The following DTWD2 variants were observed in gnomAD, a reference collection of about 807,000 sequenced individuals.
The protein encoded by DTWD2 is tRNA-uridine aminocarboxypropyltransferase 2.
A neutral mutation model predicts 31.8 loss-of-function variants in DTWD2; 39 were observed. The ratio of observed to expected loss-of-function variants is 1.22; its 90% confidence interval spans 0.95 to 1.60. The LOEUF is 1.60. Among genes scored for constraint, DTWD2 ranks in the 40% most tolerant of loss-of-function variants. The probability of loss-of-function intolerance (pLI) is 0.00; values close to 1 mark genes in which losing one functional copy is unlikely to be tolerated. For missense variants in DTWD2, 515 were observed against 381.5 expected, an observed-to-expected ratio of 1.35 and a Z score of -2.92; for synonymous variants, 180 against 142.8, an observed-to-expected ratio of 1.26 and a Z score of -1.86.
At chr5:118,931,552 T>C (rs746794993) in intron 3 of DTWD2, among the ~76,000 whole-genome samples, 1 of 152,140 alleles carries the variant, frequency 6.6e-6, no homozygotes, top group Non-Finnish European at 1.5e-5. Context: ...TCTTTTAACA[T>C]GTATGTACTT....
intron 4 of DTWD2, among the ~76,000 whole-genome samples, chr5:118,921,868 A>T (rs1385425358): frequency 6.6e-6 from 1 of 152,238 alleles, no homozygotes; most frequent in Admixed American, 6.5e-5. Context: ...GTTTGGCAAT[A>T]GATCAGATAT....
intron 4 of DTWD2, among the ~76,000 whole-genome samples, chr5:118,866,202 G>A (rs978669962): frequency 2.0e-5 from 3 of 152,022 alleles, no homozygotes; most frequent in Non-Finnish European, 2.9e-5. Context: ...GTTGTTTAAC[G>A]CCAGAGAAGT....
At chr5:118,856,868 G>A (rs1752147926) in intron 4 of DTWD2, among the ~76,000 whole-genome samples, 1 of 146,608 alleles carries the variant, frequency 6.8e-6, no homozygotes, top group Non-Finnish European at 1.5e-5. Context: ...TGCCTCCTGG[G>A]CTCAAGGGAC....
At chr5:118,865,392 C>T (rs1752360425) in intron 4 of DTWD2, among the ~76,000 whole-genome samples, 1 of 152,052 alleles carries the variant, frequency 6.6e-6, no homozygotes, top group African/African-American at 2.4e-5. Flanking sequence ...TCTTTACTTT[C>T]CCTTCAGTTC....
intron 4 of DTWD2, among the ~76,000 whole-genome samples, chr5:118,905,160 C>G (rs1753300199): frequency 6.6e-6 from 1 of 152,082 alleles, no homozygotes; most frequent in African/African-American, 2.4e-5. Context: ...AAAAATAAAA[C>G]ACTACATTAC....
chr5:118,878,714 G>C (rs1752673145), intron 4 of DTWD2, among the ~76,000 whole-genome samples: 1 of 152,016 alleles, frequency 6.6e-6, no homozygotes, highest in Non-Finnish European at 1.5e-5. Context: ...ACTATCATCA[G>C]AGCAAACAGA....
chr5:118,919,477 A>T (rs1753653645), intron 4 of DTWD2, among the ~76,000 whole-genome samples: 1 of 152,218 alleles, frequency 6.6e-6, no homozygotes, highest in Non-Finnish European at 1.5e-5. Flanking sequence ...CTGGATCAAC[A>T]CACAATCTCA....
chr5:118,978,115 CTTT>C (rs34139721), intron 1 of DTWD2, among the ~76,000 whole-genome samples: 1 of 148,036 alleles, frequency 6.8e-6, no homozygotes, highest in Non-Finnish European at 1.5e-5. Context: ...GGATTCCCTG[CTTT>C]TTTTTTTTTT....
intron 5 of DTWD2, among the ~76,000 whole-genome samples, chr5:118,845,582 C>T (rs1443157112): frequency 6.6e-6 from 1 of 152,102 alleles, no homozygotes; most frequent in Non-Finnish European, 1.5e-5. Context: ...TCCCAAATCC[C>T]AGGTTTGACT....
Position 118,944,418 on chromosome 5 carries a change from T to C in DTWD2, c.309+141A>G, listed in dbSNP as rs1027332912. ...ATCAGTTGAAATTAAAAAGAAACTA[T>C]TTTTTCCAAAAGAGAAAGCATTTAT... On this transcript the variant is annotated intron_variant, in intron 2 of 5. Transcript: ENST00000510708. 1.6e-5 allele frequency: 13 copies of C among 803,434 alleles called. No individual in the cohort carries two copies. The African/African-American group carries it at 2.1e-4, about 13-fold the overall frequency. 49.8% of individuals were successfully genotyped at this position (803,434 alleles called of 1,614,324 possible). A position where few individuals can be genotyped will look rare whatever the true frequency, so the allele number is the denominator to read the frequency against.
At chr5:118,941,867 C>T (rs987391773) in intron 2 of DTWD2, among the ~76,000 whole-genome samples, 2 of 152,198 alleles carry the variant, frequency 1.3e-5, no homozygotes. Flanking sequence ...TAATGATCGC[C>T]ATTCTAACTG....
chr5:118,915,595 C>T (rs1462025541), intron 4 of DTWD2, among the ~76,000 whole-genome samples: 2 of 152,042 alleles, frequency 1.3e-5, no homozygotes, highest in African/African-American at 4.8e-5. Context: ...AGGATGGTCT[C>T]GATCTCCTGA....
At chr5:118,911,480 A>G (rs543722887) in intron 4 of DTWD2, among the ~76,000 whole-genome samples, 2 of 152,348 alleles carry the variant, frequency 1.3e-5, no homozygotes, top group East Asian at 3.9e-4. Context: ...GAACTACCAT[A>G]TGATCCAGCA....
chr5:118,913,020 G>T (rs564132194), intron 4 of DTWD2, among the ~76,000 whole-genome samples: 3 of 152,144 alleles, frequency 2.0e-5, no homozygotes, highest in Admixed American at 1.3e-4. Context: ...GGCTCATTAC[G>T]AAGTGGAAGA....
rs1190459253 is a variant in DTWD2 at position 118,944,650 on chromosome 5, C to G, written c.219-1G>C. On this transcript the variant is annotated splice_acceptor_variant, in intron 1 of 5. Coordinates refer to ENST00000510708, the MANE Select transcript of DTWD2 (RefSeq NM_173666.4). LOFTEE classifies it high-confidence loss of function. ...ACACAAACACACTTTCTGAGGCCGG[C>G]TAAAGGGTAAAAAGAAAAATAAAAC... 8 of 1,610,260 alleles carry G rather than the reference C, an allele frequency of 5.0e-6. No homozygotes were observed. The highest frequency in any genetic ancestry group is 1.3e-5 in the African/African-American group (1 of 74,640).
At position 118,867,794 on chromosome 5, in the gene DTWD2, C is replaced by T. The variant is rs541777004; in HGVS notation, c.598-19576G>A. ...GAAGACACCAATAAATGGAAAAATA[C>T]CCCATGTTCATGGGTTAAAAGACTT... On this transcript the variant is annotated intron_variant, in intron 4 of 5. Transcript: ENST00000510708. 4.3e-4 allele frequency among the ~76,000 whole-genome samples: 66 copies of T among 152,232 alleles called. 1 individual carries two copies. Among genetic ancestry groups the T allele is most frequent in the Middle Eastern group, 3.4e-3 (1 of 294 alleles).
intron 4 of DTWD2, among the ~76,000 whole-genome samples, chr5:118,890,654 TC>T (rs1752959616): frequency 7.9e-6 from 1 of 126,720 alleles, no homozygotes; most frequent in Non-Finnish European, 1.6e-5. Context: ...CACTGCAACC[TC>T]CGCCTCCCAG....
At chr5:118,967,019 G>T (rs887035238) in intron 1 of DTWD2, among the ~76,000 whole-genome samples, 2 of 142,348 alleles carry the variant, frequency 1.4e-5, no homozygotes, top group African/African-American at 2.7e-5. Flanking sequence ...AACAGAGGGG[G>T]ACTCCATCTC....
At chr5:118,890,548 G>T (rs1196362305) in intron 4 of DTWD2, among the ~76,000 whole-genome samples, 9 of 145,608 alleles carry the variant, frequency 6.2e-5, no homozygotes, top group Non-Finnish European at 7.5e-5. Context: ...AAAAAGTGGG[G>T]CTTTTAGGTT....
Sources: allele counts gnomAD v4.1 joint callset (sites outside exome capture counted in the v4.1 genomes callset), GRCh38; gene constraint gnomAD v4.1.1; transcripts MANE v1.5; gene names NCBI Gene and HGNC (gene_info 2026-07-23, HGNC 2026-07-21).